The following TNFSF13 variants were observed in gnomAD, a reference collection of about 807,000 sequenced individuals.
TNFSF13 encodes the protein tumor necrosis factor ligand superfamily member 13.
Under a neutral mutation model 30.7 loss-of-function variants are expected in TNFSF13, and 18 were observed. The ratio of observed to expected loss-of-function variants is 0.59; its 90% CI spans 0.41 to 0.87. The LOEUF is 0.87. TNFSF13 is among the 40% of genes least tolerant of loss of function. TNFSF13 has a pLI of 0.00. For synonymous variants in TNFSF13, 116 were observed against 123.2 expected (o/e 0.94, Z 0.39); for missense variants, 286 against 308.8 (o/e 0.93, Z 0.55).
rs1180499652 is a variant in TNFSF13 at position 7,560,882 on chromosome 17, T to A, written c.*49T>A. 4 of 1,614,008 alleles carry A rather than the reference T, an allele frequency of 2.5e-6. No individual in the cohort carries two copies. The highest frequency in any genetic ancestry group is 3.4e-6 in the Non-Finnish European group (4 of 1,179,998). Reference sequence around the variant, plus strand: ...AGCTTGGAAGACCAGGGTGGGTACATACTGGAGACAGCCAAGAGCTGAGTA... The same window carrying A: ...AGCTTGGAAGACCAGGGTGGGTACAAACTGGAGACAGCCAAGAGCTGAGTA... On this transcript the variant is annotated 3_prime_UTR_variant, in exon 6 of 6. Transcript: ENST00000338784.
Position 7,560,475 on chromosome 17 carries a change from C to A in TNFSF13, c.630C>A (p.Ser210Arg). 6.2e-7 allele frequency: 1 copy of A among 1,614,150 alleles called. No homozygotes were observed. The highest frequency in any genetic ancestry group is 8.5e-7 in the Non-Finnish European group (1 of 1,180,030). ...CCCACCCGGACCGGGCCTACAACAG[C>A]TGCTATAGCGCAGGTGAGAGCCGTG... Reference protein sequence around the residue: ...MPSHPDRAYNSCYSAGVFHLH... With the variant: ...MPSHPDRAYNRCYSAGVFHLH... Residue 210 changes from serine to arginine, a missense_variant, in exon 5 of 6, where the codon AGC becomes AGA. Physicochemically the swap from Ser to Arg is moderately radical, Grantham distance 110. Transcript: ENST00000338784.
At chr17:7,560,019 A>C in intron 3 of TNFSF13, 30 bp from the exon 4 acceptor site, 2 of 1,614,148 alleles carry the variant, frequency 1.2e-6, no homozygotes, top group Non-Finnish European at 1.7e-6. Context: ...GAGTGCCAAG[A>C]AGTCCTGACC....
chr17:7,560,274 C>T (rs1567725260), intron 4 of TNFSF13, 76 bp from the exon 5 acceptor site: 18 of 1,611,228 alleles, frequency 1.1e-5, no homozygotes, highest in Non-Finnish European at 1.4e-5. Flanking sequence ...TCTTTCTTCC[C>T]TCGTTAGCGC....
chr17:7,561,310 C>A lies in TNFSF13; in HGVS notation c.*477C>A. The A allele has an allele frequency of 4.1e-6, 2 of 487,770 alleles. No individual in the cohort carries two copies. Among genetic ancestry groups the A allele is most frequent in the Non-Finnish European group, 7.4e-6 (2 of 269,702 alleles). 30.2% of individuals were successfully genotyped at this position (487,770 alleles called of 1,614,324 possible). On this transcript the variant is annotated 3_prime_UTR_variant, in exon 6 of 6. Coordinates refer to ENST00000338784, the MANE Select transcript of TNFSF13 (RefSeq NM_003808.4). This position sits in a 1 kb window ranked among gnomAD's most constrained non-coding sequence, Gnocchi z 4.4. The stretch of plus-strand genomic sequence containing the variant: ...ACGTCCTTCTCTCCATCTATCGGAC[C>A]CCAGTTTCCATCACTATCTCCAGAG...
rs11552708 is a variant in TNFSF13 at position 7,559,238 on chromosome 17, G to A, written c.199G>A (p.Gly67Arg). 0.12 allele frequency: 200,979 copies of A among 1,609,662 alleles called. 14,667 individuals carry two copies. Among genetic ancestry groups the A allele is most frequent in the East Asian group, 0.36 (16,319 of 44,772 alleles). ...CAGGAGAGAGGTGAGCCGGCTGCAG[G>A]GGACAGGAGGCCCCTCCCAGAATGG... ...SLRREVSRLQ[G>R]TGGPSQNGEG... The change falls in exon 1 of 6, where the codon GGG (glycine) becomes AGG (arginine). Residue 67 changes from glycine (G) to arginine (R), a missense_variant. Gly to Arg is a moderately radical substitution (Grantham distance 125, BLOSUM62 -2). Coordinates refer to ENST00000338784, the MANE Select transcript of TNFSF13 (RefSeq NM_003808.4). The surrounding 1 kb of genome is among the most constrained non-coding windows in gnomAD (Gnocchi z 5.4).
rs776160311 is a variant in TNFSF13, at chr17:7,559,757, G to GT, written c.337+56dup. The GT allele has an allele frequency of 2.5e-6, 4 of 1,613,828 alleles. No homozygotes were observed. Among genetic ancestry groups the GT allele is most frequent in the Non-Finnish European group, 3.4e-6 (4 of 1,179,874 alleles). On this transcript the variant is annotated intron_variant, in intron 2 of 5. Transcript: ENST00000338784. The surrounding 1 kb of genome is among the most constrained non-coding windows in gnomAD (Gnocchi z 5.4). Reference sequence around the variant, plus strand: ...GAGGTGATCAAGCAGCGTGGGGATTGTAAGCCCGAGTCAGGGTGAGGGTGG... The same window carrying GT: ...GAGGTGATCAAGCAGCGTGGGGATTGTTAAGCCCGAGTCAGGGTGAGGGTGG...
chr17:7,560,919 G>C lies in TNFSF13; in HGVS notation c.*86G>C, dbSNP rs1388505935. ...CCAAGAGCTGAGTATATAAAGGAGA[G>C]GGAATGTGCAGGAACAGAGGCGTCT... On this transcript the variant is annotated 3_prime_UTR_variant, in exon 6 of 6. Transcript: ENST00000338784. The C allele has an allele frequency of 3.7e-6, 6 of 1,614,182 alleles. No individual in the cohort carries two copies. In the East Asian group the frequency reaches 1.3e-4, roughly 36 times the overall value.
Position 7,559,875 on chromosome 17 carries a change from A to C in TNFSF13, c.367A>C (p.Ile123Leu). Residue 123 changes from isoleucine (I) to leucine (L), a missense_variant, in exon 3 of 6, where the codon ATT becomes CTT. Coordinates refer to ENST00000338784, the MANE Select transcript of TNFSF13 (RefSeq NM_003808.4). This position sits in a 1 kb window ranked among gnomAD's most constrained non-coding sequence, Gnocchi z 5.4. ...GCACTCTGTCCTGCACCTGGTTCCC[A>C]TTAACGCCACCTCCAAGGGTGAGCA... ...KQHSVLHLVPINATSKDDSDV... is the reference protein window; with the variant it reads ...KQHSVLHLVPLNATSKDDSDV... 1 of 1,614,120 alleles carries C rather than the reference A, an allele frequency of 6.2e-7. No individual in the cohort carries two copies. The highest frequency in any genetic ancestry group is 2.2e-5 in the East Asian group (1 of 44,874).
rs373688972 is a variant in TNFSF13, at chr17:7,560,910, T to C, written c.*77T>C. 2,888 of 1,614,102 alleles carry C rather than the reference T, an allele frequency of 1.8e-3. 9 individuals are homozygous for C. Among genetic ancestry groups the C allele is most frequent in the Middle Eastern group, 5.8e-3 (35 of 6,062 alleles). ...TGGAGACAGCCAAGAGCTGAGTATA[T>C]AAAGGAGAGGGAATGTGCAGGAACA... On this transcript the variant is annotated 3_prime_UTR_variant, in exon 6 of 6. Transcript: ENST00000338784.
In TNFSF13 at chr17:7,560,936, G is replaced by C; in HGVS notation, c.*103G>C. 5 of 1,614,192 alleles carry C rather than the reference G, an allele frequency of 3.1e-6. No individual in the cohort carries two copies. The highest frequency in any genetic ancestry group is 1.6e-4 in the Middle Eastern group (1 of 6,062). Reference sequence around the variant, plus strand: ...AAAGGAGAGGGAATGTGCAGGAACAGAGGCGTCTTCCTGGGTTTGGCTCCC... The same window carrying C: ...AAAGGAGAGGGAATGTGCAGGAACACAGGCGTCTTCCTGGGTTTGGCTCCC... On this transcript the variant is annotated 3_prime_UTR_variant, in exon 6 of 6. Transcript: ENST00000338784.
chr17:7,560,887 G>C lies in TNFSF13; in HGVS notation c.*54G>C. ...GGAAGACCAGGGTGGGTACATACTGGAGACAGCCAAGAGCTGAGTATATAA... is the reference window on the plus strand; with the variant it reads ...GGAAGACCAGGGTGGGTACATACTGCAGACAGCCAAGAGCTGAGTATATAA... On this transcript the variant is annotated 3_prime_UTR_variant, in exon 6 of 6. Coordinates refer to ENST00000338784, the MANE Select transcript of TNFSF13 (RefSeq NM_003808.4). 6.2e-7 allele frequency: 1 copy of C among 1,614,138 alleles called. No homozygotes were observed. Among genetic ancestry groups the C allele is most frequent in the Non-Finnish European group, 8.5e-7 (1 of 1,180,006 alleles).
rs983494916 is a variant in TNFSF13 at position 7,560,883 on chromosome 17, A to T, written c.*50A>T. The T allele has an allele frequency of 6.2e-7, 1 of 1,614,024 alleles. No homozygotes were observed. The highest frequency in any genetic ancestry group is 8.5e-7 in the Non-Finnish European group (1 of 1,180,006). ...GCTTGGAAGACCAGGGTGGGTACAT[A>T]CTGGAGACAGCCAAGAGCTGAGTAT... On this transcript the variant is annotated 3_prime_UTR_variant, in exon 6 of 6. Coordinates refer to ENST00000338784, the MANE Select transcript of TNFSF13 (RefSeq NM_003808.4).
Position 7,559,803 on chromosome 17 carries a change from G to C in TNFSF13, c.338-43G>C, listed in dbSNP as rs2150912854. 1 of 1,614,090 alleles carries C rather than the reference G, an allele frequency of 6.2e-7. No homozygotes were observed. The highest frequency in any genetic ancestry group is 2.2e-5 in the East Asian group (1 of 44,890). On this transcript the variant is annotated intron_variant, in intron 2 of 5. Coordinates refer to ENST00000338784, the MANE Select transcript of TNFSF13 (RefSeq NM_003808.4). This position sits in a 1 kb window ranked among gnomAD's most constrained non-coding sequence, Gnocchi z 5.4. ...GGTGGAGGCTGCCAACAGCACAACG[G>C]GGGAAAGTGGATGCGGCTGAGATTC...
Position 7,559,028 on chromosome 17 carries a change from G to A in TNFSF13, c.-12G>A, listed in dbSNP as rs752448348. 9 of 1,502,738 alleles carry A rather than the reference G, an allele frequency of 6.0e-6. No homozygotes were observed. The highest frequency in any genetic ancestry group is 7.1e-6 in the Non-Finnish European group (8 of 1,121,662). 93.1% of individuals were successfully genotyped at this position (1,502,738 alleles called of 1,614,324 possible). A position where few individuals can be genotyped will look rare whatever the true frequency, so the allele number is the denominator to read the frequency against. Reference sequence around the variant, plus strand: ...CTCTTGAAACCACAGCTGTTGGCAGGGTCCCCAGCTCATGCCAGCCTCATC... The same window carrying A: ...CTCTTGAAACCACAGCTGTTGGCAGAGTCCCCAGCTCATGCCAGCCTCATC... On this transcript the variant is annotated 5_prime_UTR_variant, in exon 1 of 6. Transcript: ENST00000338784. The surrounding 1 kb of genome is among the most constrained non-coding windows in gnomAD (Gnocchi z 5.4).
intron 5 of TNFSF13, 69 bp downstream of exon 5, chr17:7,560,557 C>T: frequency 6.2e-7 from 1 of 1,610,906 alleles, no homozygotes; most frequent in South Asian, 1.1e-5. Flanking sequence ...GGAGCTACCG[C>T]TAGGAGGGAG....
In TNFSF13 at chr17:7,559,940, G is replaced by T; in HGVS notation, c.385+47G>T. On this transcript the variant is annotated intron_variant, in intron 3 of 5. Transcript: ENST00000338784. The surrounding 1 kb of genome is among the most constrained non-coding windows in gnomAD (Gnocchi z 5.4). ...GGCTTTGGGGAGGGGCAATAACCAG[G>T]AACTCGGGCTGGCACTTGGGCTCAA... The T allele has an allele frequency of 6.2e-7, 1 of 1,613,960 alleles. No individual in the cohort carries two copies. The highest frequency in any genetic ancestry group is 8.5e-7 in the Non-Finnish European group (1 of 1,179,986).
rs2071196464 is a variant in TNFSF13, at chr17:7,561,130, A to C, written c.*297A>C. 6.8e-7 allele frequency: 1 copy of C among 1,473,082 alleles called. No homozygotes were observed. Among genetic ancestry groups the C allele is most frequent in the Non-Finnish European group, 9.3e-7 (1 of 1,070,092 alleles). The allele number at this position is 1,473,082 out of a possible 1,614,324, so 91.3% of individuals were successfully genotyped here. ...GTCGGGGCCCACTGGAAGCATCCAGAACAGCACCACCATCTAGCGGCCGCT... is the reference window on the plus strand; with the variant it reads ...GTCGGGGCCCACTGGAAGCATCCAGCACAGCACCACCATCTAGCGGCCGCT... On this transcript the variant is annotated 3_prime_UTR_variant, in exon 6 of 6. Coordinates refer to ENST00000338784, the MANE Select transcript of TNFSF13 (RefSeq NM_003808.4). This position sits in a 1 kb window ranked among gnomAD's most constrained non-coding sequence, Gnocchi z 4.4.
intron 3 of TNFSF13, 31 bp from the exon 4 acceptor site, chr17:7,560,018 G>T (rs145251151): frequency 6.2e-7 from 1 of 1,614,016 alleles, no homozygotes; most frequent in Non-Finnish European, 8.5e-7. Context: ...AGAGTGCCAA[G>T]AAGTCCTGAC....
Position 7,559,290 on chromosome 17 carries a change from C to G in TNFSF13, c.251C>G (p.Pro84Arg). 6.2e-7 allele frequency: 1 copy of G among 1,602,380 alleles called. No homozygotes were observed. The change falls in exon 1 of 6, where the codon CCG (proline) becomes CGG (arginine). Residue 84 changes from proline to arginine, a missense_variant. Coordinates refer to ENST00000338784, the MANE Select transcript of TNFSF13 (RefSeq NM_003808.4). The surrounding 1 kb of genome is among the most constrained non-coding windows in gnomAD (Gnocchi z 5.4). ...NGEGYPWQSL[P>R]EQSSDALEAW... Reference sequence around the variant, plus strand: ...GAAGGGTATCCCTGGCAGAGTCTCCCGGAGCAGGTGAGTGAGGGGAGGAGG... The same window carrying G: ...GAAGGGTATCCCTGGCAGAGTCTCCGGGAGCAGGTGAGTGAGGGGAGGAGG...
Sources: allele counts gnomAD v4.1 joint callset, GRCh38; gene constraint gnomAD v4.1.1; non-coding constraint Gnocchi (gnomAD v3.1); transcripts MANE v1.5; gene names NCBI Gene and HGNC (gene_info 2026-07-23, HGNC 2026-07-21).